The following TMEM184B variants were observed in gnomAD, a reference collection of about 807,000 sequenced individuals.
TMEM184B encodes putative MAPK-activating protein FM08.
TMEM184B carries 17 observed loss-of-function variants against 41.8 expected under a neutral mutation model. The ratio of observed to expected loss-of-function variants is 0.41; its 90% CI spans 0.28 to 0.61. The LOEUF (loss-of-function observed/expected upper bound fraction) is 0.61. Ranked by LOEUF, TMEM184B falls within the 20% of genes least tolerant of loss-of-function variation. TMEM184B has a pLI of 0.34. For missense variants in TMEM184B, 393 were observed against 557.8 expected (o/e 0.70, Z 2.98); for synonymous variants, 240 against 229.5 (o/e 1.05, Z -0.41).
In TMEM184B at chr22:38,225,691, A is replaced by C. The variant is rs994962264; in HGVS notation, c.618-98T>G. 5.3e-6 allele frequency: 7 copies of C among 1,333,122 alleles called. No individual in the cohort carries two copies. Among genetic ancestry groups the C allele is most frequent in the Middle Eastern group, 2.0e-4 (1 of 5,102 alleles). The allele number at this position is 1,333,122 out of a possible 1,614,324, so 82.6% of individuals were successfully genotyped here. ...CACAGTCCCCATGGCTCTCAGCCCC[A>C]CACCTCCAGCAGAGCTCAACGAGCC... On this transcript the variant is annotated intron_variant, in intron 6 of 8. Coordinates refer to ENST00000361906, the MANE Select transcript of TMEM184B (RefSeq NM_012264.5). The surrounding 1 kb of genome is among the most constrained non-coding windows in gnomAD (Gnocchi z 4.4).
At chr22:38,257,246 A>T (rs2092297054) in intron 1 of TMEM184B, among the ~76,000 whole-genome samples, 1 of 152,138 alleles carries the variant, frequency 6.6e-6, no homozygotes, top group Non-Finnish European at 1.5e-5. Context: ...TTTCCAAAGC[A>T]TTTTAGTGGG....
intron 1 of TMEM184B, among the ~76,000 whole-genome samples, chr22:38,268,429 T>C (rs2092474881): frequency 6.6e-6 from 1 of 150,870 alleles, no homozygotes; most frequent in Non-Finnish European, 1.5e-5. Flanking sequence ...TGTTAGTACC[T>C]GCACCACATT....
downstream of TMEM184B, among the ~76,000 whole-genome samples, chr22:38,217,590 T>C (rs552167561): frequency 1.2e-3 from 175 of 149,546 alleles, 2 homozygotes; most frequent in African/African-American, 3.8e-3. Flanking sequence ...TGCAGTGAGC[T>C]GAGATCGCGC....
intron 1 of TMEM184B, among the ~76,000 whole-genome samples, chr22:38,263,644 G>T (rs201293126): frequency 1.3e-5 from 2 of 152,142 alleles, no homozygotes; most frequent in African/African-American, 2.4e-5. Context: ...TTTTGCACAC[G>T]TGTTAACCCA....
chr22:38,229,567 GCTACTCTAGACCACA>G (rs2091552144), intron 5 of TMEM184B, among the ~76,000 whole-genome samples: 1 of 151,628 alleles, frequency 6.6e-6, no homozygotes, highest in Non-Finnish European at 1.5e-5. Context: ...CCCCACCCAG[GCTACTCTAGACCACA>G]GGGAGGTCAG....
intron 3 of TMEM184B, among the ~76,000 whole-genome samples, chr22:38,237,786 TCTC>T (rs1170440813): frequency 6.6e-6 from 1 of 151,088 alleles, no homozygotes; most frequent in African/African-American, 2.4e-5. Flanking sequence ...TGGTTCCTCT[TCTC>T]CTCCCTACTG....
intron 1 of TMEM184B, among the ~76,000 whole-genome samples, chr22:38,259,696 C>T (rs531247362): frequency 1.3e-5 from 2 of 152,344 alleles, no homozygotes; most frequent in African/African-American, 2.4e-5. Flanking sequence ...ACATTCTGGA[C>T]CTGACCTCCA....
At chr22:38,272,736 C>A (rs1296311962) in intron 1 of TMEM184B, 148 bp downstream of exon 1, 1 of 985,218 alleles carries the variant, frequency 1.0e-6, no homozygotes, top group Admixed American at 6.1e-5. Flanking sequence ...GCGGCCGCAC[C>A]GGCCTCCGTA....
intron 5 of TMEM184B, 46 bp downstream of exon 5, chr22:38,230,623 C>G: frequency 1.3e-6 from 2 of 1,577,144 alleles, no homozygotes; most frequent in South Asian, 2.3e-5. Context: ...GCCTCCCAGA[C>G]CCCGCCCTGC....
chr22:38,224,066 G>A (rs2091347404), intron 8 of TMEM184B: 1 of 152,216 alleles, frequency 6.6e-6, no homozygotes, highest in Non-Finnish European at 1.5e-5. Flanking sequence ...AAAGAAAGCT[G>A]TTAAAACCTA....
intron 3 of TMEM184B, among the ~76,000 whole-genome samples, chr22:38,236,415 G>T (rs2091774815): frequency 6.6e-6 from 1 of 152,152 alleles, no homozygotes; most frequent in African/African-American, 2.4e-5. Flanking sequence ...AGGGGCAGAT[G>T]GGACTCCCAG....
intron 8 of TMEM184B, chr22:38,222,826 C>T (rs984213624): frequency 1.0e-4 from 54 of 530,972 alleles, no homozygotes; most frequent in Non-Finnish European, 1.2e-4. Context: ...CCAGGCCCCA[C>T]AGGGCACCCA....
At chr22:38,256,498 G>A (rs905818672) in intron 1 of TMEM184B, among the ~76,000 whole-genome samples, 2 of 151,992 alleles carry the variant, frequency 1.3e-5, no homozygotes, top group African/African-American at 2.4e-5. Flanking sequence ...CAAAGTGCTG[G>A]GATTACAGGC....
intron 3 of TMEM184B, among the ~76,000 whole-genome samples, chr22:38,238,288 C>T (rs544504331): frequency 1.7e-3 from 240 of 144,406 alleles, no homozygotes; most frequent in African/African-American, 5.4e-3. Context: ...TGCAGTGGTG[C>T]GATCTCGGCT....
intron 3 of TMEM184B, among the ~76,000 whole-genome samples, chr22:38,238,060 A>C (rs1447524672): frequency 6.6e-6 from 1 of 151,698 alleles, no homozygotes; most frequent in African/African-American, 2.4e-5. Context: ...TCGGCCTCCC[A>C]AAGTGCTGGG....
intron 1 of TMEM184B, among the ~76,000 whole-genome samples, chr22:38,270,854 G>A (rs879460318): frequency 6.6e-6 from 1 of 152,224 alleles, no homozygotes; most frequent in Non-Finnish European, 1.5e-5. Context: ...CTCAGGGTGA[G>A]GGACTGGGCA....
chr22:38,219,870 AGCTGGCCTCTGGCACCCACAT>A lies in TMEM184B; in HGVS notation c.*1578_*1598del. ...CCGCCCCCCCAAGATGGAGGGGGAG[AGCTGGCCTCTGGCACCCACAT>A]GCAGGCCTCTGCCACGAGGAAAGGA... On this transcript the variant is annotated 3_prime_UTR_variant, in exon 9 of 9. Coordinates refer to ENST00000361906, the MANE Select transcript of TMEM184B (RefSeq NM_012264.5). 1.0e-6 allele frequency: 1 copy of A among 985,378 alleles called. No individual in the cohort carries two copies. The highest frequency in any genetic ancestry group is 1.2e-6 in the Non-Finnish European group (1 of 829,952). 61.0% of individuals were successfully genotyped at this position (985,378 alleles called of 1,614,324 possible). A position where few individuals can be genotyped will look rare whatever the true frequency, so the allele number is the denominator to read the frequency against.
chr22:38,253,680 A>G (rs1404980161), intron 1 of TMEM184B, among the ~76,000 whole-genome samples: 1 of 152,194 alleles, frequency 6.6e-6, no homozygotes, highest in Non-Finnish European at 1.5e-5. Flanking sequence ...GTAAAACTCT[A>G]AACCTTTTAG....
chr22:38,259,779 GTTTGT>G (rs1402180611), intron 1 of TMEM184B, among the ~76,000 whole-genome samples: 1 of 152,132 alleles, frequency 6.6e-6, no homozygotes, highest in African/African-American at 2.4e-5. Context: ...TATAATTTGT[GTTTGT>G]TTTGTTTTTG....
Sources: allele counts gnomAD v4.1 joint callset (sites outside exome capture counted in the v4.1 genomes callset), GRCh38; gene constraint gnomAD v4.1.1; non-coding constraint Gnocchi (gnomAD v3.1); transcripts MANE v1.5; gene names NCBI Gene and HGNC (gene_info 2026-07-23, HGNC 2026-07-21).